The following MED12L variants were observed in gnomAD, a reference collection of about 807,000 sequenced individuals.
MED12L encodes mediator complex subunit 12L.
In MED12L, 60 loss-of-function variants were observed where a neutral mutation model predicts 281.3. That is an observed-to-expected ratio of 0.21 (90% CI 0.17 to 0.26). The LOEUF is 0.26. Ranked by LOEUF, MED12L falls within the 10% of genes least tolerant of loss-of-function variation. MED12L has a pLI of 1.00. For synonymous variants in MED12L, 974 were observed against 987.2 expected, an observed-to-expected ratio of 0.99 and a Z score of 0.25; for missense variants, 2,146 against 2,680.9, an observed-to-expected ratio of 0.80 and a Z score of 4.41.
chr3:151,289,603 G>C (rs907012671), intron 16 of MED12L, among the ~76,000 whole-genome samples: 3 of 152,156 alleles, frequency 2.0e-5, no homozygotes, highest in Non-Finnish European at 4.4e-5. Context: ...AAACTATCAT[G>C]GGTTAAGGGG....
At chr3:151,419,719 C>T (rs573796909) in intron 43 of MED12L, among the ~76,000 whole-genome samples, 105 of 152,156 alleles carry the variant, frequency 6.9e-4, no homozygotes, top group Non-Finnish European at 1.4e-3. Flanking sequence ...GTCGTAATTA[C>T]AGCTAACATA....
intron 16 of MED12L, among the ~76,000 whole-genome samples, chr3:151,251,466 A>G (rs370451534): frequency 2.0e-5 from 3 of 152,012 alleles, no homozygotes; most frequent in South Asian, 2.1e-4. Flanking sequence ...CCTGCCTTCA[A>G]TCTGCCTCCC....
intron 11 of MED12L, among the ~76,000 whole-genome samples, chr3:151,168,002 G>C (rs1022572584): frequency 1.3e-5 from 2 of 152,134 alleles, no homozygotes; most frequent in Non-Finnish European, 2.9e-5. Flanking sequence ...TGGTTAGCCT[G>C]ACTATATACC....
intron 16 of MED12L, among the ~76,000 whole-genome samples, chr3:151,333,559 G>A (rs1240735130): frequency 6.6e-6 from 1 of 152,134 alleles, no homozygotes; most frequent in Non-Finnish European, 1.5e-5. Context: ...CGACTGATGG[G>A]CATGTAGTTA....
intron 11 of MED12L, 42 bp from the exon 12 acceptor site, chr3:151,185,288 T>C (rs1316348289): frequency 6.3e-7 from 1 of 1,590,624 alleles, no homozygotes; most frequent in South Asian, 1.1e-5. Flanking sequence ...TGGGTGAATG[T>C]TTCATTTGAT....
intron 2 of MED12L, among the ~76,000 whole-genome samples, chr3:151,109,635 TTC>T (rs1367946009): frequency 1.2e-4 from 18 of 152,244 alleles, no homozygotes; most frequent in African/African-American, 4.3e-4. Flanking sequence ...TGAATTCACA[TTC>T]TCAGCTGGCA....
At chr3:151,366,315 TG>T (rs1027948478) in intron 23 of MED12L, among the ~76,000 whole-genome samples, 41 of 152,320 alleles carry the variant, frequency 2.7e-4, no homozygotes, top group African/African-American at 9.4e-4. Context: ...CCAACTGCCC[TG>T]GATTCCTCAC....
At chr3:151,103,212 C>T (rs370721268) in intron 2 of MED12L, among the ~76,000 whole-genome samples, 6 of 152,092 alleles carry the variant, frequency 3.9e-5, no homozygotes, top group African/African-American at 1.2e-4. Flanking sequence ...TCTAAAAGTT[C>T]AAGTATTTTT....
chr3:151,131,596 G>T (rs962352016), intron 5 of MED12L, among the ~76,000 whole-genome samples: 1 of 152,136 alleles, frequency 6.6e-6, no homozygotes, highest in African/African-American at 2.4e-5. Flanking sequence ...AACAGAGAGA[G>T]ACCCTCTCCC....
intron 16 of MED12L, among the ~76,000 whole-genome samples, chr3:151,324,354 G>A (rs563378198): frequency 3.3e-5 from 5 of 152,252 alleles, no homozygotes; most frequent in South Asian, 2.1e-4. Flanking sequence ...CAGCATCTGG[G>A]CTGGTTACTA....
At chr3:151,199,049 C>G in intron 16 of MED12L, 2 of 1,614,118 alleles carry the variant, frequency 1.2e-6, no homozygotes, top group Non-Finnish European at 1.7e-6. Context: ...CAGCTGAAGA[C>G]AGCGGTCAAT....
chr3:151,140,193 C>G, intron 5 of MED12L, among the ~76,000 whole-genome samples: 1 of 152,146 alleles, frequency 6.6e-6, no homozygotes, highest in East Asian at 1.9e-4. Flanking sequence ...TAATATTTTT[C>G]CAGGTATGTA....
At chr3:151,415,447 C>T (rs1258456885) in intron 42 of MED12L, among the ~76,000 whole-genome samples, 2 of 152,220 alleles carry the variant, frequency 1.3e-5, no homozygotes, top group Admixed American at 1.3e-4. Flanking sequence ...GATCATGCTA[C>T]CCAGACCTCT....
intron 25 of MED12L, among the ~76,000 whole-genome samples, chr3:151,369,115 G>A (rs535754655): frequency 6.6e-6 from 1 of 152,280 alleles, no homozygotes; most frequent in East Asian, 1.9e-4. Flanking sequence ...TAGGGGCGTT[G>A]GTGAAGTCTG....
intron 17 of MED12L, among the ~76,000 whole-genome samples, chr3:151,351,055 A>G (rs149933601): frequency 6.6e-6 from 1 of 152,344 alleles, no homozygotes; most frequent in East Asian, 1.9e-4. Flanking sequence ...TGTAAACAAC[A>G]TTCTTCCTGC....
intron 2 of MED12L, among the ~76,000 whole-genome samples, chr3:151,090,996 G>A (rs1719968610): frequency 1.3e-5 from 2 of 152,186 alleles, no homozygotes; most frequent in Admixed American, 1.3e-4. Flanking sequence ...AGCCGAGATT[G>A]TGCCATTGCA....
chr3:151,305,516 G>A (rs1213807351), intron 16 of MED12L, among the ~76,000 whole-genome samples: 1 of 152,236 alleles, frequency 6.6e-6, no homozygotes, highest in East Asian at 1.9e-4. Flanking sequence ...GATACCTTAA[G>A]CAATCTTCAG....
At chr3:151,195,976 A>G (rs1336524522) in intron 16 of MED12L, among the ~76,000 whole-genome samples, 1 of 152,212 alleles carries the variant, frequency 6.6e-6, no homozygotes, top group African/African-American at 2.4e-5. Flanking sequence ...TGAATGGTTG[A>G]GGGTTATGTG....
chr3:151,302,991 A>G (rs186912796), intron 16 of MED12L, among the ~76,000 whole-genome samples: 36 of 152,320 alleles, frequency 2.4e-4, no homozygotes, highest in African/African-American at 7.9e-4. Flanking sequence ...CATGACAACT[A>G]TGATGCCCAG....
Sources: gnomAD v4.1 joint callset for allele counts (sites outside exome capture counted in the v4.1 genomes callset) on GRCh38, gnomAD v4.1.1 for gene constraint, MANE v1.5 for transcripts, NCBI Gene and HGNC (gene_info 2026-07-23, HGNC 2026-07-21) for gene names.